The following NR2C2 variants were observed in gnomAD, a reference collection of about 807,000 sequenced individuals.
NR2C2 encodes Nuclear hormone receptor TR4.
NR2C2 carries 6 observed loss-of-function variants against 62.9 expected under a neutral mutation model. The ratio of observed to expected loss-of-function variants is 0.10; its 90% CI spans 0.05 to 0.19. The LOEUF is 0.19. NR2C2 is among the 10% of genes least tolerant of loss of function. The pLI, the probability that NR2C2 is intolerant of heterozygous loss-of-function variation, is 1.00. For synonymous variants in NR2C2, 272 were observed against 273.8 expected, an observed-to-expected ratio of 0.99 and a Z score of 0.07; for missense variants, 479 against 762.7, an observed-to-expected ratio of 0.63 and a Z score of 4.38.
At chr3:15,010,197 G>C (rs2041309993) in intron 2 of NR2C2, among the ~76,000 whole-genome samples, 2 of 152,032 alleles carry the variant, frequency 1.3e-5, no homozygotes, top group Non-Finnish European at 2.9e-5. Flanking sequence ...CATTAAATAG[G>C]AATCTATCTG....
intron 1 of NR2C2, among the ~76,000 whole-genome samples, chr3:14,995,337 A>C (rs76163102): frequency 7.3e-5 from 11 of 149,682 alleles, no homozygotes; most frequent in Admixed American, 2.0e-4. Flanking sequence ...AAAAAAAAAA[A>C]CCCCACACTC....
At chr3:14,973,836 A>G (rs573485242) in intron 1 of NR2C2, among the ~76,000 whole-genome samples, 10 of 152,290 alleles carry the variant, frequency 6.6e-5, no homozygotes, top group African/African-American at 2.2e-4. Flanking sequence ...GTTTTTAAGT[A>G]CGGATGTTCC....
At chr3:15,015,943 C>T (rs1303468102) in intron 3 of NR2C2, among the ~76,000 whole-genome samples, 1 of 152,082 alleles carries the variant, frequency 6.6e-6, no homozygotes. Context: ...CTGGGGATTA[C>T]AGGCACCCAC....
At chr3:14,994,820 C>G (rs2040778361) in intron 1 of NR2C2, among the ~76,000 whole-genome samples, 1 of 149,240 alleles carries the variant, frequency 6.7e-6, no homozygotes, top group Non-Finnish European at 1.5e-5. Flanking sequence ...GAGGCTGAGA[C>G]AGGAGGATCG....
At chr3:14,967,656 A>G (rs1170645935) in intron 1 of NR2C2, among the ~76,000 whole-genome samples, 1 of 152,140 alleles carries the variant, frequency 6.6e-6, no homozygotes, top group Non-Finnish European at 1.5e-5. Context: ...ACTGGAATTA[A>G]TTTTGCTTTT....
intron 4 of NR2C2, among the ~76,000 whole-genome samples, chr3:15,016,957 G>T (rs1360279823): frequency 6.6e-6 from 1 of 152,176 alleles, no homozygotes; most frequent in Non-Finnish European, 1.5e-5. Flanking sequence ...TAGAAGGTTA[G>T]TGAGGCAGAC....
At chr3:14,994,820 C>CA (rs1262859726) in intron 1 of NR2C2, among the ~76,000 whole-genome samples, 4 of 149,240 alleles carry the variant, frequency 2.7e-5, no homozygotes, top group African/African-American at 9.9e-5. Context: ...GAGGCTGAGA[C>CA]AGGAGGATCG....
intron 1 of NR2C2, among the ~76,000 whole-genome samples, chr3:14,949,647 A>C (rs1423244467): frequency 6.6e-6 from 1 of 152,208 alleles, no homozygotes; most frequent in Non-Finnish European, 1.5e-5. Context: ...CCTCTTATAT[A>C]CATTTTCAGT....
chr3:14,968,182 A>C (rs923367109), intron 1 of NR2C2, among the ~76,000 whole-genome samples: 1 of 152,224 alleles, frequency 6.6e-6, no homozygotes, highest in African/African-American at 2.4e-5. Context: ...GAAAGAAACT[A>C]CCATCAGAGT....
intron 1 of NR2C2, among the ~76,000 whole-genome samples, chr3:14,952,979 A>G (rs1034074481): frequency 3.9e-5 from 6 of 152,234 alleles, no homozygotes; most frequent in African/African-American, 1.4e-4. Context: ...AGATCAGGGC[A>G]TTGGCGTAGG....
At chr3:14,991,669 T>A in intron 1 of NR2C2, among the ~76,000 whole-genome samples, 1 of 152,182 alleles carries the variant, frequency 6.6e-6, no homozygotes, top group African/African-American at 2.4e-5. Flanking sequence ...CCAGAATAAG[T>A]TATAGATTTG....
intron 6 of NR2C2, 148 bp downstream of exon 6, chr3:15,023,495 T>C (rs112615610): frequency 1.2e-6 from 1 of 857,850 alleles, no homozygotes. Context: ...CTGGAGCTGC[T>C]CAGTCACACC....
intron 1 of NR2C2, among the ~76,000 whole-genome samples, chr3:14,975,599 T>C (rs552677987): frequency 6.6e-6 from 1 of 152,352 alleles, no homozygotes; most frequent in South Asian, 2.1e-4. Context: ...TTTAATATGC[T>C]GCTGAATTCA....
intron 1 of NR2C2, among the ~76,000 whole-genome samples, chr3:14,954,236 T>C (rs1481324411): frequency 6.6e-6 from 1 of 152,180 alleles, no homozygotes; most frequent in Admixed American, 6.5e-5. Flanking sequence ...TTAGACTGTG[T>C]TGTTGACTTA....
At chr3:15,030,220 T>C in intron 8 of NR2C2, 55 bp from the exon 9 acceptor site, 2 of 1,409,988 alleles carry the variant, frequency 1.4e-6, no homozygotes, top group Non-Finnish European at 2.0e-6. Flanking sequence ...TAGAATTCTG[T>C]TCCCCCTAAA....
At position 15,003,936 on chromosome 3, in the gene NR2C2, A is replaced by G. The variant is rs1364743163; in HGVS notation, c.22A>G (p.Ile8Val). The change falls in exon 2 of 14, where the codon ATC (isoleucine) becomes GTC (valine). Residue 8 changes from isoleucine to valine, a missense_variant. By Grantham distance (29) the Ile-to-Val change is conservative (BLOSUM62 3). Transcript: ENST00000425241. MTSPSPR[I>V]QIISTDSAVA... ...AGGGATGACCAGCCCCTCCCCACGC[A>G]TCCAGATAATCTCCACCGACTCTGC... is the stretch of plus-strand genomic sequence containing the variant. 6.2e-7 allele frequency: 1 copy of G among 1,613,846 alleles called. No homozygotes were observed. Among genetic ancestry groups the G allele is most frequent in the South Asian group, 1.1e-5 (1 of 91,078 alleles).
chr3:15,020,347 A>C (rs1310453749), intron 4 of NR2C2, among the ~76,000 whole-genome samples: 1 of 152,250 alleles, frequency 6.6e-6, no homozygotes, highest in Non-Finnish European at 1.5e-5. Context: ...CACTCGTGGC[A>C]GGACAGGGGC....
chr3:14,972,114 A>C (rs948479467), intron 1 of NR2C2, among the ~76,000 whole-genome samples: 1 of 143,946 alleles, frequency 6.9e-6, no homozygotes, highest in Non-Finnish European at 1.5e-5. Context: ...CCAGCCATAA[A>C]TTTCTTTTAA....
chr3:15,012,340 C>G (rs1349506325), intron 2 of NR2C2, among the ~76,000 whole-genome samples: 1 of 151,996 alleles, frequency 6.6e-6, no homozygotes, highest in Non-Finnish European at 1.5e-5. Flanking sequence ...ATTCTCGTGT[C>G]TTGGCATTCC....
Sources: allele counts gnomAD v4.1 joint callset (sites outside exome capture counted in the v4.1 genomes callset), GRCh38; gene constraint gnomAD v4.1.1; transcripts MANE v1.5; gene names NCBI Gene and HGNC (gene_info 2026-07-23, HGNC 2026-07-21).